Variants in WNT2B observed in about 807,000 individuals in gnomAD.
The protein encoded by WNT2B is protein Wnt-2b.
Under a neutral mutation model 40.5 loss-of-function variants are expected in WNT2B, and 19 were observed. The observed-to-expected ratio is 0.47, with a 90% confidence interval of 0.33 to 0.69. The LOEUF (loss-of-function observed/expected upper bound fraction) is 0.69, where lower values mean the gene tolerates loss of function less well. Among genes scored for constraint, WNT2B ranks in the 30% least tolerant of loss-of-function variants. The pLI is 0.02. For synonymous variants in WNT2B, 220 were observed against 211.9 expected (o/e 1.04, Z -0.33); for missense variants, 467 against 556.4 (o/e 0.84, Z 1.62).
rs1001043773 is a variant in WNT2B, at chr1:112,520,592, C to G, written c.*83C>G. ...ATCCTTGCATGCACACCTTCCTCCA[C>G]CCTCCACCCTGGGCTGCTACCGCTT... On this transcript the variant is annotated 3_prime_UTR_variant, in exon 5 of 5. Coordinates refer to ENST00000369684, the MANE Select transcript of WNT2B (RefSeq NM_024494.3). 44 of 1,375,526 alleles carry G rather than the reference C, an allele frequency of 3.2e-5. No homozygotes were observed. In the Admixed American group the frequency reaches 8.6e-4, roughly 27 times the overall value. The allele number at this position is 1,375,526 out of a possible 1,614,324, so 85.2% of individuals were successfully genotyped here. A position where few individuals can be genotyped will look rare whatever the true frequency, so the allele number is the denominator to read the frequency against.
chr1:112,517,218 G>A lies in WNT2B; in HGVS notation c.779G>A (p.Arg260His), dbSNP rs775708471. ...TCWRALSDFR[R>H]TGDYLRRRYD... ...TGGCGTGCACTCTCAGATTTCCGCC[G>A]CACAGGTGATTACCTGCGGCGACGC... Residue 260 changes from arginine (R) to histidine (H), a missense_variant, in exon 4 of 5, where the codon CGC (arginine) becomes CAC (histidine). Physicochemically the swap from Arg to His is conservative, Grantham distance 29. Transcript: ENST00000369684. The A allele has an allele frequency of 2.6e-5, 42 of 1,614,156 alleles. No individual in the cohort carries two copies. The African/African-American group carries it at 2.7e-4, about 10-fold the overall frequency.
chr1:112,490,518 C>G (rs1452848239), intron 1 of WNT2B, among the ~76,000 whole-genome samples: 1 of 146,768 alleles, frequency 6.8e-6, no homozygotes, highest in Non-Finnish European at 1.5e-5. Context: ...GAGACGGAGT[C>G]TCGCTCTGTC....
At chr1:112,508,348 C>A (rs1016344399), upstream of WNT2B, among the ~76,000 whole-genome samples, 2 of 150,314 alleles carry the variant, frequency 1.3e-5, no homozygotes, top group Non-Finnish European at 3.0e-5. The surrounding 1 kb of genome is among the most constrained non-coding windows in gnomAD (Gnocchi z 4.2). Context: ...CCGGGCAGGC[C>A]GGGCAAGCAG....
At chr1:112,490,631 C>T (rs184570873) in intron 1 of WNT2B, among the ~76,000 whole-genome samples, 42 of 151,812 alleles carry the variant, frequency 2.8e-4, no homozygotes, top group East Asian at 5.8e-4. Flanking sequence ...CTGGGACTAC[C>T]GGCGCCCATC....
At chr1:112,495,392 T>C (rs566121295) in intron 1 of WNT2B, among the ~76,000 whole-genome samples, 3 of 151,880 alleles carry the variant, frequency 2.0e-5, no homozygotes, top group South Asian at 2.1e-4. Flanking sequence ...CTGGCTAACA[T>C]GGTGAAACCC....
chr1:112,518,745 G>A (rs1004741010), intron 4 of WNT2B, among the ~76,000 whole-genome samples: 4 of 152,116 alleles, frequency 2.6e-5, no homozygotes, highest in Non-Finnish European at 4.4e-5. Context: ...TTTTCTCAGA[G>A]GCATAAAATT....
intron 1 of WNT2B, among the ~76,000 whole-genome samples, chr1:112,489,359 G>C (rs539921106): frequency 1.3e-5 from 2 of 151,970 alleles, no homozygotes; most frequent in African/African-American, 4.8e-5. Flanking sequence ...AGGAGTTCAA[G>C]ACCAGCATGG....
At chr1:112,476,820 C>A (rs578212527) in intron 1 of WNT2B, among the ~76,000 whole-genome samples, 1 of 152,288 alleles carries the variant, frequency 6.6e-6, no homozygotes, top group East Asian at 1.9e-4. Context: ...TCCCCAGTGG[C>A]CAAGATTACC....
intron 4 of WNT2B, among the ~76,000 whole-genome samples, chr1:112,519,134 C>A (rs1036090281): frequency 6.6e-6 from 1 of 152,098 alleles, no homozygotes; most frequent in African/African-American, 2.4e-5. Context: ...ATACAGTAGA[C>A]CTAGTCAGTC....
At chr1:112,516,590 A>G (rs550037293) in intron 3 of WNT2B, among the ~76,000 whole-genome samples, 173 bp downstream of exon 3, 92 of 152,336 alleles carry the variant, frequency 6.0e-4, no homozygotes, top group African/African-American at 2.1e-3. Context: ...AGGAATGCCT[A>G]GGGTCAATCA....
In WNT2B at chr1:112,509,570, C is replaced by G; in HGVS notation, c.182+126C>G. On this transcript the variant is annotated intron_variant, in intron 1 of 4. Transcript: ENST00000369684. The surrounding 1 kb of genome is among the most constrained non-coding windows in gnomAD (Gnocchi z 4.2). ...CGGGTTGGAGACGATTCGGGCAGGA[C>G]TGTCACTGAAATCTGAAGTCGCGGG... 9.3e-7 allele frequency: 1 copy of G among 1,069,792 alleles called. No homozygotes were observed. 66.3% of individuals were successfully genotyped at this position (1,069,792 alleles called of 1,614,324 possible). A position where few individuals can be genotyped will look rare whatever the true frequency, so the allele number is the denominator to read the frequency against.
At position 112,484,284 on chromosome 1, in the gene WNT2B, T is replaced by TACAC. The variant is rs1651341321; in HGVS notation, c.-95+16694_-95+16695insCACA. ...ATATATATATACACATATATATATA[T>TACAC]ATATATACACACACATATATATAGA... On this transcript the variant is annotated intron_variant, in intron 1 of 4. Transcript: ENST00000256640. Among the ~76,000 whole-genome samples, 332 of 106,446 alleles carry TACAC rather than the reference T, an allele frequency of 3.1e-3. 5 individuals are homozygous for TACAC. Among genetic ancestry groups the TACAC allele is most frequent in the African/African-American group, 0.014 (307 of 21,198 alleles). The allele number at this position is 106,446 out of a possible 152,430, so 69.8% of individuals were successfully genotyped here.
intron 1 of WNT2B, among the ~76,000 whole-genome samples, chr1:112,468,226 T>C (rs1351893669): frequency 6.6e-6 from 1 of 152,214 alleles, no homozygotes; most frequent in African/African-American, 2.4e-5. Flanking sequence ...ACACTTAGGT[T>C]TATATCTTTG....
At chr1:112,498,625 G>T (rs1651853673) in intron 1 of WNT2B, among the ~76,000 whole-genome samples, 1 of 151,862 alleles carries the variant, frequency 6.6e-6, no homozygotes. Flanking sequence ...ACATAACACG[G>T]TCAAGTTCTT....
intron 1 of WNT2B, among the ~76,000 whole-genome samples, chr1:112,492,764 G>T (rs1015938196): frequency 3.3e-5 from 5 of 152,128 alleles, no homozygotes; most frequent in Admixed American, 2.6e-4. Flanking sequence ...TTGGGGAAGG[G>T]AATATTAAAT....
upstream of WNT2B, among the ~76,000 whole-genome samples, chr1:112,504,113 C>A (rs914066538): frequency 1.3e-5 from 2 of 152,116 alleles, no homozygotes; most frequent in African/African-American, 4.8e-5. Flanking sequence ...GGTCAGTTGA[C>A]CACCCAGGAT....
At chr1:112,491,375 C>T (rs1433113425) in intron 1 of WNT2B, among the ~76,000 whole-genome samples, 1 of 152,182 alleles carries the variant, frequency 6.6e-6, no homozygotes, top group African/African-American at 2.4e-5. Flanking sequence ...CCACTGCACT[C>T]CAGCCTGGGC....
At chr1:112,482,840 AT>A (rs1651269427) in intron 1 of WNT2B, among the ~76,000 whole-genome samples, 1 of 152,224 alleles carries the variant, frequency 6.6e-6, no homozygotes, top group Non-Finnish European at 1.5e-5. Context: ...GATTGAAAAA[AT>A]ATTGGTAAAA....
At chr1:112,497,271 T>C (rs1179447803) in intron 1 of WNT2B, among the ~76,000 whole-genome samples, 5 of 152,212 alleles carry the variant, frequency 3.3e-5, no homozygotes, top group African/African-American at 1.2e-4. Context: ...GTGGCAGCCC[T>C]GTTCCTGCAG....
Sources: gnomAD v4.1 joint callset for allele counts (sites outside exome capture counted in the v4.1 genomes callset) on GRCh38, gnomAD v4.1.1 for gene constraint, Gnocchi (gnomAD v3.1) non-coding constraint, MANE v1.5 for transcripts, NCBI Gene and HGNC (gene_info 2026-07-23, HGNC 2026-07-21) for gene names.